STK32B: variants seen among roughly 807,000 people sequenced by gnomAD.
STK32B encodes the protein serine/threonine kinase 32B, also known as serine/threonine-protein kinase 32B.
A neutral mutation model predicts 52.6 loss-of-function variants in STK32B; 43 were observed. The ratio of observed to expected loss-of-function variants is 0.82; its 90% CI spans 0.64 to 1.05. The LOEUF is 1.05. Among genes scored for constraint, STK32B ranks in the 50% least tolerant of loss-of-function variants. The probability of loss-of-function intolerance (pLI) is 0.00; values close to 1 mark genes in which losing one functional copy is unlikely to be tolerated. For synonymous variants in STK32B, 238 were observed against 204.3 expected (o/e 1.17, Z -1.41); for missense variants, 621 against 534.6 (o/e 1.16, Z -1.59).
At chr4:5,180,301 A>G (rs905691318) in intron 3 of STK32B, among the ~76,000 whole-genome samples, 1 of 152,246 alleles carries the variant, frequency 6.6e-6, no homozygotes. Flanking sequence ...GCTGGCCACT[A>G]ACATCTCCTG....
chr4:5,403,980 G>T (rs28603003), intron 5 of STK32B, among the ~76,000 whole-genome samples: 1 of 151,586 alleles, frequency 6.6e-6, no homozygotes, highest in Non-Finnish European at 1.5e-5. Flanking sequence ...GCTGTTCTAC[G>T]TGTCCTGGGG....
intron 3 of STK32B, among the ~76,000 whole-genome samples, chr4:5,178,133 A>G (rs1430457357): frequency 2.0e-5 from 3 of 152,220 alleles, no homozygotes; most frequent in Non-Finnish European, 4.4e-5. Context: ...CTGCCCCTGC[A>G]GCAGACTTCT....
intron 6 of STK32B, among the ~76,000 whole-genome samples, chr4:5,444,556 C>A (rs933758122): frequency 6.6e-6 from 1 of 152,208 alleles, no homozygotes; most frequent in African/African-American, 2.4e-5. Flanking sequence ...AGAAATCACC[C>A]GTCTTCTGCG....
At chr4:5,191,710 A>G (rs1721218223) in intron 3 of STK32B, among the ~76,000 whole-genome samples, 1 of 152,212 alleles carries the variant, frequency 6.6e-6, no homozygotes, top group Non-Finnish European at 1.5e-5. Context: ...TCGTCGGCTG[A>G]GAATTGGGCC....
intron 3 of STK32B, among the ~76,000 whole-genome samples, chr4:5,307,719 T>A (rs1266421618): frequency 6.6e-6 from 1 of 152,116 alleles, no homozygotes; most frequent in Non-Finnish European, 1.5e-5. Flanking sequence ...TTACCAGAAT[T>A]ACCATATTTT....
chr4:5,487,673 A>G (rs758073063), intron 11 of STK32B, among the ~76,000 whole-genome samples: 2 of 152,234 alleles, frequency 1.3e-5, no homozygotes, highest in African/African-American at 4.8e-5. Flanking sequence ...GCAATTACGT[A>G]TTGTAAAATG....
the STK32B span, among the ~76,000 whole-genome samples, chr4:5,033,990 G>T: frequency 6.6e-6 from 1 of 152,146 alleles, no homozygotes; most frequent in Non-Finnish European, 1.5e-5. Flanking sequence ...TCACTGCTGT[G>T]CAGGAGATGT....
At chr4:5,285,939 G>T (rs1015978757) in intron 3 of STK32B, among the ~76,000 whole-genome samples, 1 of 152,104 alleles carries the variant, frequency 6.6e-6, no homozygotes, top group African/African-American at 2.4e-5. Context: ...TTAAGTTAAA[G>T]TGAGGTCATT....
intron 3 of STK32B, among the ~76,000 whole-genome samples, chr4:5,304,719 G>A (rs148875867): frequency 1.6e-4 from 25 of 152,098 alleles, no homozygotes; most frequent in Non-Finnish European, 3.4e-4. Flanking sequence ...CCAGTACTAT[G>A]CTGAATAGAA....
intron 3 of STK32B, among the ~76,000 whole-genome samples, chr4:5,319,768 A>G (rs114312243): frequency 1.9e-3 from 289 of 152,274 alleles, no homozygotes; most frequent in African/African-American, 6.6e-3. Context: ...ATGTCTTCTC[A>G]GAATCCCTGG....
At chr4:5,074,450 C>G (rs1711963784) in intron 1 of STK32B, among the ~76,000 whole-genome samples, 1 of 151,854 alleles carries the variant, frequency 6.6e-6, no homozygotes, top group South Asian at 2.1e-4. Flanking sequence ...CCTACAAATT[C>G]TTTAAAAATT....
At chr4:5,120,590 G>C (rs368485409) in intron 1 of STK32B, among the ~76,000 whole-genome samples, 3 of 152,264 alleles carry the variant, frequency 2.0e-5, no homozygotes, top group East Asian at 1.9e-4. Context: ...CATCCAGTGG[G>C]AATCTTGGAA....
chr4:5,327,942 A>T (rs911506312), intron 3 of STK32B, among the ~76,000 whole-genome samples: 1 of 152,330 alleles, frequency 6.6e-6, no homozygotes, highest in East Asian at 1.9e-4. Context: ...GATCTGAGCT[A>T]GATCTTCTGG....
chr4:5,256,687 C>T (rs147342867), intron 3 of STK32B, among the ~76,000 whole-genome samples: 1 of 152,260 alleles, frequency 6.6e-6, no homozygotes. Flanking sequence ...TGCCTCCTGT[C>T]TGAGCCTGAG....
intron 3 of STK32B, among the ~76,000 whole-genome samples, chr4:5,193,607 A>G (rs1721406464): frequency 6.6e-6 from 1 of 152,240 alleles, no homozygotes; most frequent in South Asian, 2.1e-4. Flanking sequence ...ATCCTGGAAG[A>G]GTCGGTGCCA....
chr4:5,212,886 G>A (rs578178195), intron 3 of STK32B, among the ~76,000 whole-genome samples: 55 of 152,250 alleles, frequency 3.6e-4, no homozygotes, highest in African/African-American at 1.3e-3. Context: ...ATAAATCAAT[G>A]ATCGCAGGCA....
At chr4:5,083,099 CTCTG>C (rs1184322644) in intron 1 of STK32B, among the ~76,000 whole-genome samples, 1 of 152,144 alleles carries the variant, frequency 6.6e-6, no homozygotes, top group Non-Finnish European at 1.5e-5. Flanking sequence ...ATATCACTGT[CTCTG>C]TCTTTCAGAT....
At position 5,212,259 on chromosome 4, in the gene STK32B, C is replaced by T. The variant is rs565339947; in HGVS notation, c.260+43809C>T. On this transcript the variant is annotated intron_variant, in intron 3 of 11. Transcript: ENST00000282908. ...GGTGGGGAAACAGAGGCATAGCATG[C>T]AGAAAAACATGTCTAACATGACACA... is the stretch of plus-strand genomic sequence containing the variant. 1.8e-4 allele frequency among the ~76,000 whole-genome samples: 28 copies of T among 152,220 alleles called. 1 individual carries two copies. In the South Asian group the frequency reaches 5.8e-3, roughly 32 times the overall value.
intron 3 of STK32B, among the ~76,000 whole-genome samples, chr4:5,247,292 C>G (rs1725528271): frequency 6.6e-6 from 1 of 152,222 alleles, no homozygotes; most frequent in African/African-American, 2.4e-5. Context: ...CTCCCCCAGC[C>G]TCACTGCTGC....
Sources: allele counts gnomAD v4.1 joint callset (sites outside exome capture counted in the v4.1 genomes callset), GRCh38; gene constraint gnomAD v4.1.1; transcripts MANE v1.5; gene names NCBI Gene and HGNC (gene_info 2026-07-23, HGNC 2026-07-21).